Variants in STK3 observed in about 807,000 individuals in gnomAD.
The protein encoded by STK3 is serine/threonine kinase 3.
A neutral mutation model predicts 58.0 loss-of-function variants in STK3; 41 were observed. The observed-to-expected ratio is 0.71, with a 90% CI of 0.55 to 0.92. The LOEUF is 0.92. Among genes scored for constraint, STK3 ranks in the 40% least tolerant of loss-of-function variants. The pLI, the probability that STK3 is intolerant of heterozygous loss-of-function variation, is 0.00. For synonymous variants in STK3, 170 were observed against 191.0 expected (o/e 0.89, Z 0.91); for missense variants, 479 against 602.7 (o/e 0.79, Z 2.15).
At chr8:98,713,699 C>A (rs1194588923) in intron 4 of STK3, among the ~76,000 whole-genome samples, 1 of 152,048 alleles carries the variant, frequency 6.6e-6, no homozygotes, top group African/African-American at 2.4e-5. Context: ...ACCAGAGGTA[C>A]AAGGAGGAGC....
chr8:98,633,503 G>C (rs928125108), intron 6 of STK3: 7 of 651,050 alleles, frequency 1.1e-5, no homozygotes, highest in African/African-American at 5.5e-5. Context: ...GGTGGCGTTG[G>C]CTTTGCCAGC....
intron 1 of STK3, among the ~76,000 whole-genome samples, chr8:98,796,426 C>T (rs1833168498): frequency 1.3e-5 from 2 of 152,166 alleles, no homozygotes; most frequent in Admixed American, 6.5e-5. Flanking sequence ...GCTGGGATAG[C>T]TGACTAGCCA....
At chr8:98,600,828 C>T (rs550277528) in intron 6 of STK3, among the ~76,000 whole-genome samples, 1 of 151,844 alleles carries the variant, frequency 6.6e-6, no homozygotes, top group Non-Finnish European at 1.5e-5. Flanking sequence ...ATTACAAAAC[C>T]ACAAAGAAAA....
chr8:98,415,642 C>T (rs1314956905), intron 3 of STK3, among the ~76,000 whole-genome samples: 1 of 152,180 alleles, frequency 6.6e-6, no homozygotes, highest in Non-Finnish European at 1.5e-5. Context: ...TATCTTTACC[C>T]TGAAATGTGG....
intron 1 of STK3, among the ~76,000 whole-genome samples, chr8:98,776,366 G>A (rs1831678185): frequency 6.6e-6 from 1 of 151,716 alleles, no homozygotes; most frequent in Non-Finnish European, 1.5e-5. Flanking sequence ...CTGGATGATG[G>A]CTACAAGATT....
intron 6 of STK3, among the ~76,000 whole-genome samples, chr8:98,660,810 C>T (rs561125752): frequency 1.3e-5 from 2 of 151,896 alleles, no homozygotes; most frequent in African/African-American, 4.8e-5. Context: ...TTTCCCTTCC[C>T]TCTTCTCTTC....
chr8:98,405,389 G>C (rs748220022), intron 3 of STK3, among the ~76,000 whole-genome samples: 1 of 152,310 alleles, frequency 6.6e-6, no homozygotes, highest in African/African-American at 2.4e-5. Flanking sequence ...TGTCTGGCAT[G>C]TAGGCACATA....
intron 4 of STK3, among the ~76,000 whole-genome samples, chr8:98,711,669 GA>G (rs1355506588): frequency 2.6e-5 from 4 of 152,220 alleles, no homozygotes; most frequent in Non-Finnish European, 5.9e-5. Flanking sequence ...TGGTGTACCT[GA>G]AAGTGATGGG....
intron 1 of STK3, among the ~76,000 whole-genome samples, chr8:98,793,037 G>A (rs1236304475): frequency 2.0e-5 from 3 of 152,112 alleles, no homozygotes; most frequent in South Asian, 2.1e-4. Flanking sequence ...CAACCTAGAG[G>A]AGATTGGAGA....
chr8:98,721,024 A>G lies in STK3; in HGVS notation c.352-13713T>C, dbSNP rs967728872. 1.9e-5 allele frequency: 17 copies of G among 894,092 alleles called. No homozygotes were observed. In the African/African-American group the frequency reaches 3.1e-4, roughly 16 times the overall value. 55.4% of individuals were successfully genotyped at this position (894,092 alleles called of 1,614,324 possible). A position where few individuals can be genotyped will look rare whatever the true frequency, so the allele number is the denominator to read the frequency against. On this transcript the variant is annotated intron_variant, in intron 4 of 10. Transcript: ENST00000419617. ...AATTATTTTCAATGGTATGCCAGCC[A>G]AACAAAACAAATATACCTGTTAATG...
chr8:98,400,526 G>T (rs549882701), downstream of STK3, among the ~76,000 whole-genome samples: 6 of 152,318 alleles, frequency 3.9e-5, no homozygotes, highest in South Asian at 1.2e-3. Flanking sequence ...AACAGCCAAG[G>T]TCTGACCCTT....
chr8:98,364,944 C>T, the STK3 span, among the ~76,000 whole-genome samples: 21 of 149,140 alleles, frequency 1.4e-4, no homozygotes, highest in Admixed American at 1.4e-4. Context: ...TCCCCTCCTC[C>T]GGAGTTTCCG....
chr8:98,412,773 C>T (rs1165583662), intron 3 of STK3: 5 of 154,194 alleles, frequency 3.2e-5, no homozygotes, highest in Non-Finnish European at 5.8e-5. Flanking sequence ...TGGACGTGTA[C>T]GTGGCCATTT....
intron 4 of STK3, among the ~76,000 whole-genome samples, chr8:98,708,371 G>A (rs1333761157): frequency 2.6e-5 from 4 of 152,124 alleles, no homozygotes; most frequent in East Asian, 1.9e-4. Context: ...AAATGAGGGA[G>A]GGAGGCTTGC....
chr8:98,846,850 G>A (rs888597031), intron 3 of STK3, among the ~76,000 whole-genome samples: 2 of 145,832 alleles, frequency 1.4e-5, no homozygotes, highest in African/African-American at 5.4e-5. Context: ...AAACTATTCA[G>A]GATCCTACAC....
At chr8:98,905,159 T>A in intron 1 of STK3, 1 of 1,341,694 alleles carries the variant, frequency 7.5e-7, no homozygotes. Flanking sequence ...ACCAGTGACC[T>A]TCTTTCTTAC....
Position 98,909,039 on chromosome 8 carries a change from G to A in STK3, c.-78-25205C>T, listed in dbSNP as rs1269134756. Among the ~76,000 whole-genome samples the A allele has an allele frequency of 2.6e-5, 4 of 151,770 alleles. No individual in the cohort carries two copies. In the East Asian group the frequency reaches 5.8e-4, roughly 22 times the overall value. On this transcript the variant is annotated intron_variant, in intron 1 of 1. Coordinates refer to the STK3 transcript ENST00000519420. The stretch of plus-strand genomic sequence containing the variant: ...AGCATGGTGGTGCGTGCCTGTAATC[G>A]CAGCTATTCAGGTCAGGTGGCTGAG...
chr8:98,735,877 T>C (rs891051215), intron 4 of STK3, among the ~76,000 whole-genome samples: 7 of 152,260 alleles, frequency 4.6e-5, no homozygotes, highest in Middle Eastern at 3.4e-3. Flanking sequence ...AAAGGAAAAG[T>C]ATAGATCAGA....
intron 6 of STK3, among the ~76,000 whole-genome samples, chr8:98,649,640 T>C (rs1192791731): frequency 6.6e-6 from 1 of 152,234 alleles, no homozygotes. Context: ...CTTTAGAATT[T>C]ATTTTAATAT....
Sources: allele counts gnomAD v4.1 joint callset (sites outside exome capture counted in the v4.1 genomes callset), GRCh38; gene constraint gnomAD v4.1.1; transcripts MANE v1.5; gene names NCBI Gene and HGNC (gene_info 2026-07-23, HGNC 2026-07-21).